Variants in PTPRZ1 observed in about 807,000 individuals in gnomAD.
The protein encoded by PTPRZ1 is receptor-type tyrosine-protein phosphatase zeta.
In PTPRZ1, 82 loss-of-function variants were observed where a neutral mutation model predicts 214.1. That is an observed-to-expected ratio of 0.38 (90% confidence interval 0.32 to 0.46). PTPRZ1 has a LOEUF of 0.46. Among genes scored for constraint, PTPRZ1 ranks in the 20% least tolerant of loss-of-function variants. The probability of loss-of-function intolerance (pLI) is 1.00; values close to 1 mark genes in which losing one functional copy is unlikely to be tolerated. For missense variants in PTPRZ1, 2,603 were observed against 2,748.7 expected, an observed-to-expected ratio of 0.95 and a Z score of 1.19; for synonymous variants, 945 against 987.9, an observed-to-expected ratio of 0.96 and a Z score of 0.81.
Position 122,010,707 on chromosome 7 carries a change from C to T in PTPRZ1, c.1661C>T (p.Ser554Leu), listed in dbSNP as rs761711949. The change falls in exon 12 of 30, where the codon TCG (serine) becomes TTG (leucine). Residue 554 changes from serine (S) to leucine (L), a missense_variant. This residue lies in a region of PTPRZ1 where 1,913 missense variants were observed against 1,914.3 expected (regional missense o/e 1.00). Coordinates refer to ENST00000393386, the MANE Select transcript of PTPRZ1 (RefSeq NM_002851.3). ...CTTAGATCTCCACATATGAACTTGT[C>T]GGGGACTGCAGAATCCTTAAATACA... The part of the protein sequence containing the change: ...TVLRSPHMNL[S>L]GTAESLNTVS... 9.3e-6 allele frequency: 15 copies of T among 1,613,828 alleles called. No individual in the cohort carries two copies. Among genetic ancestry groups the T allele is most frequent in the South Asian group, 2.2e-5 (2 of 91,040 alleles).
At chr7:121,990,772 C>T (rs1195563151) in intron 8 of PTPRZ1, among the ~76,000 whole-genome samples, 1 of 152,048 alleles carries the variant, frequency 6.6e-6, no homozygotes, top group Non-Finnish European at 1.5e-5. Flanking sequence ...CGCCTGCCCT[C>T]ACCTCCCAAA....
At chr7:121,897,792 T>G (rs1459583826) in intron 1 of PTPRZ1, among the ~76,000 whole-genome samples, 1 of 152,090 alleles carries the variant, frequency 6.6e-6, no homozygotes, top group Non-Finnish European at 1.5e-5. Context: ...GCAGAGTGAG[T>G]GATCAAGAAA....
intron 8 of PTPRZ1, among the ~76,000 whole-genome samples, chr7:121,992,524 GT>G (rs1401928622): frequency 6.6e-6 from 1 of 152,166 alleles, no homozygotes; most frequent in African/African-American, 2.4e-5. Context: ...TCAGCTAAAA[GT>G]TTAAGAAGCT....
At chr7:121,949,550 A>G (rs1467853577) in intron 2 of PTPRZ1, among the ~76,000 whole-genome samples, 1 of 152,194 alleles carries the variant, frequency 6.6e-6, no homozygotes, top group African/African-American at 2.4e-5. Context: ...CAAATCGGAG[A>G]GTATTTGGCA....
intron 2 of PTPRZ1, among the ~76,000 whole-genome samples, chr7:121,953,807 G>A (rs1000703544): frequency 1.1e-4 from 16 of 142,178 alleles, no homozygotes; most frequent in Non-Finnish European, 2.2e-4. Flanking sequence ...CGGTGATTCG[G>A]TGATTGTTCC....
At chr7:122,018,617 G>C (rs903960700) in intron 12 of PTPRZ1, among the ~76,000 whole-genome samples, 3 of 151,764 alleles carry the variant, frequency 2.0e-5, no homozygotes, top group Non-Finnish European at 2.9e-5. Flanking sequence ...GGATTGAAAG[G>C]TTATCCTAAT....
intron 25 of PTPRZ1, 113 bp downstream of exon 25, chr7:122,052,052 A>C: frequency 1.3e-6 from 1 of 756,382 alleles, no homozygotes; most frequent in Non-Finnish European, 2.1e-6. Context: ...GGTAAATTTA[A>C]GTTAAATCTG....
At chr7:121,875,804 A>G (rs1249634108) in intron 1 of PTPRZ1, among the ~76,000 whole-genome samples, 2 of 152,206 alleles carry the variant, frequency 1.3e-5, no homozygotes, top group African/African-American at 4.8e-5. Context: ...ATTATCTTCA[A>G]ATGAAAAAGT....
In PTPRZ1 at chr7:121,971,247, T is replaced by C. The variant is rs185307081; in HGVS notation, c.305-1294T>C. Among the ~76,000 whole-genome samples the C allele has an allele frequency of 2.2e-3, 336 of 152,316 alleles. 1 individual carries two copies. The highest frequency in any genetic ancestry group is 7.5e-3 in the African/African-American group (313 of 41,570). ...AAGCAAAAATCTTTATAGAAATCCC[T>C]GTTTTCCTTTTCTTATTGTTAAACA... On this transcript the variant is annotated intron_variant, in intron 3 of 29. Transcript: ENST00000393386.
chr7:122,057,925 A>G (rs866678360), intron 27 of PTPRZ1, among the ~76,000 whole-genome samples: 4 of 149,532 alleles, frequency 2.7e-5, no homozygotes, highest in Non-Finnish European at 5.9e-5. Flanking sequence ...TGAATTAGCA[A>G]TATCAGTTCA....
chr7:121,933,575 G>T (rs1458609927), intron 2 of PTPRZ1, among the ~76,000 whole-genome samples: 1 of 152,118 alleles, frequency 6.6e-6, no homozygotes, highest in Non-Finnish European at 1.5e-5. Context: ...ATGCTAGAAT[G>T]AGAGAGTCTT....
chr7:121,937,070 C>G (rs1371285228), intron 2 of PTPRZ1, among the ~76,000 whole-genome samples: 1 of 152,232 alleles, frequency 6.6e-6, no homozygotes, highest in Non-Finnish European at 1.5e-5. Context: ...AGCATCCAAA[C>G]TGTTATAGAC....
In PTPRZ1 at chr7:121,873,465, G is replaced by C. The variant is rs370853625; in HGVS notation, c.-35G>C. On this transcript the variant is annotated 5_prime_UTR_variant, in exon 1 of 30. Transcript: ENST00000393386. ...TCCCTCTCCACTCTGAGAAGCAGAG[G>C]AGCCGCACGGCGAGGGGCCGCAGAC... 5.0e-6 allele frequency: 8 copies of C among 1,611,320 alleles called. No individual in the cohort carries two copies. In the African/African-American group the frequency reaches 1.1e-4, roughly 22 times the overall value.
At chr7:121,981,305 G>T (rs1797606000) in intron 6 of PTPRZ1, among the ~76,000 whole-genome samples, 1 of 152,144 alleles carries the variant, frequency 6.6e-6, no homozygotes, top group African/African-American at 2.4e-5. Context: ...TAATGCAAAT[G>T]GTCTAGCGTG....
chr7:122,011,963 A>G lies in PTPRZ1; in HGVS notation c.2917A>G (p.Lys973Glu). 1 of 1,614,150 alleles carries G rather than the reference A, an allele frequency of 6.2e-7. No homozygotes were observed. The highest frequency in any genetic ancestry group is 8.5e-7 in the Non-Finnish European group (1 of 1,179,998). ...CGGCCCTAGCCATATACCAATACCT[A>G]AGTCTTCGTTAATAACCCCAACTGC... ...FSGPSHIPIP[K>E]SSLITPTASL... The change falls in exon 12 of 30, where the codon AAG becomes GAG. Residue 973 changes from lysine (K) to glutamate (E), a missense_variant. Physicochemically the swap from Lys to Glu is moderately conservative, Grantham distance 56 (BLOSUM62 1). This residue lies in a region of PTPRZ1 where 1,913 missense variants were observed against 1,914.3 expected (regional missense o/e 1.00). Coordinates refer to ENST00000393386, the MANE Select transcript of PTPRZ1 (RefSeq NM_002851.3).
chr7:121,900,632 T>C (rs1283739645), intron 1 of PTPRZ1, among the ~76,000 whole-genome samples: 1 of 152,184 alleles, frequency 6.6e-6, no homozygotes, highest in African/African-American at 2.4e-5. Flanking sequence ...CTCTAGGATA[T>C]AGATAAGGGT....
intron 11 of PTPRZ1, among the ~76,000 whole-genome samples, chr7:122,008,463 T>A (rs1038854529): frequency 6.6e-6 from 1 of 152,094 alleles, no homozygotes; most frequent in African/African-American, 2.4e-5. Context: ...AGGTTCATGA[T>A]AGGGACTAGA....
chr7:121,955,686 G>A (rs933153545), intron 2 of PTPRZ1, among the ~76,000 whole-genome samples: 1 of 152,190 alleles, frequency 6.6e-6, no homozygotes, highest in Non-Finnish European at 1.5e-5. Context: ...TTAAAATTCA[G>A]TAGGTGCAAT....
rs932000274 is a variant in PTPRZ1 at position 122,042,596 on chromosome 7, T to C, written c.5802-12T>C. ...TAACATTGAAATATTTATTTCTTGG[T>C]CTTCTCTTCAGTGCTGGAGTTGGAA... On this transcript the variant is annotated splice_polypyrimidine_tract_variant and intron_variant, in intron 21 of 29. Coordinates refer to ENST00000393386, the MANE Select transcript of PTPRZ1 (RefSeq NM_002851.3). 1.3e-6 allele frequency: 2 copies of C among 1,565,844 alleles called. No individual in the cohort carries two copies. Among genetic ancestry groups the C allele is most frequent in the Non-Finnish European group, 1.7e-6 (2 of 1,151,990 alleles).
Sources: gnomAD v4.1 joint callset for allele counts (sites outside exome capture counted in the v4.1 genomes callset) on GRCh38, gnomAD v4.1.1 for gene constraint, gnomAD v4.1.1 regional missense constraint, MANE v1.5 for transcripts, NCBI Gene and HGNC (gene_info 2026-07-23, HGNC 2026-07-21) for gene names.